The following CC2D2A variants were observed in gnomAD, a reference collection of about 807,000 sequenced individuals.
The protein encoded by CC2D2A is coiled-coil and C2 domain containing 2A.
CC2D2A carries 155 observed loss-of-function variants against 212.9 expected under a neutral mutation model. The observed-to-expected ratio is 0.73, with a 90% CI of 0.64 to 0.83. The LOEUF (loss-of-function observed/expected upper bound fraction) is 0.83. Among genes scored for constraint, CC2D2A ranks in the 40% least tolerant of loss-of-function variants. CC2D2A has a pLI of 0.00. For missense variants in CC2D2A, 1,856 were observed against 1,956.2 expected (o/e 0.95, Z 0.97); for synonymous variants, 667 against 686.5 (o/e 0.97, Z 0.44).
chr4:15,500,019 G>A (rs1046991169), intron 4 of CC2D2A, among the ~76,000 whole-genome samples: 2 of 151,308 alleles, frequency 1.3e-5, no homozygotes, highest in African/African-American at 2.4e-5. Context: ...ACGCATAACT[G>A]AGTAATTGTG....
At chr4:15,541,148 C>A in intron 17 of CC2D2A, 134 bp downstream of exon 17, 1 of 617,742 alleles carries the variant, frequency 1.6e-6, no homozygotes, top group Non-Finnish European at 2.6e-6. Context: ...CACATCTCTA[C>A]TGTAAATACA....
Position 15,567,762 on chromosome 4 carries a change from A to G in CC2D2A, c.3374A>G (p.Asn1125Ser), listed in dbSNP as rs746358327. The G allele has an allele frequency of 1.1e-5, 18 of 1,596,382 alleles. No homozygotes were observed. The South Asian group carries it at 2.0e-4, about 17-fold the overall frequency. ...GCTGAAGGACCAAACCCTAGCTGGA[A>G]TGAAGAACTAGAACTTCCATTTAGG... ...TTAEGPNPSW[N>S]EELELPFRAP... The change falls in exon 26 of 37, where the codon AAT becomes AGT. Residue 1125 changes from asparagine to serine, a missense_variant. This residue lies in a region of CC2D2A where 1,512 missense variants were observed against 1,579.3 expected (regional missense o/e 0.96). Coordinates refer to ENST00000424120, the MANE Select transcript of CC2D2A (RefSeq NM_001378615.1).
intron 13 of CC2D2A, among the ~76,000 whole-genome samples, chr4:15,530,704 T>G (rs1487740652): frequency 6.6e-6 from 1 of 152,090 alleles, no homozygotes; most frequent in South Asian, 2.1e-4. Flanking sequence ...TGCTGACTTT[T>G]CACTAGGTGG....
Position 15,490,384 on chromosome 4 carries a change from A to C in CC2D2A, c.247+9557A>C, listed in dbSNP as rs569445568. 1.8e-3 allele frequency among the ~76,000 whole-genome samples: 267 copies of C among 152,338 alleles called. 2 individuals carry two copies. The highest frequency in any genetic ancestry group is 2.5e-3 in the Non-Finnish European group (169 of 68,028). ...TTTCTGAACATTGCATGTAAATGGA[A>C]TCATACAATATGTAGTGATTTGCAC... is the stretch of plus-strand genomic sequence containing the variant. On this transcript the variant is annotated intron_variant, in intron 4 of 36. Coordinates refer to ENST00000424120, the MANE Select transcript of CC2D2A (RefSeq NM_001378615.1).
chr4:15,510,212 C>T lies in CC2D2A; in HGVS notation c.512C>T (p.Ser171Phe). 6.2e-7 allele frequency: 1 copy of T among 1,611,856 alleles called. No individual in the cohort carries two copies. The highest frequency in any genetic ancestry group is 1.1e-5 in the South Asian group (1 of 90,326). ...QSYSRVKFHDSARKIKPKPQV... is the reference protein window; with the variant it reads ...QSYSRVKFHDFARKIKPKPQV... Reference sequence around the variant, plus strand: ...TACTCAAGAGTCAAGTTCCATGATTCTGCACGAAAAATCAAGCCTAAACCC... The same window carrying T: ...TACTCAAGAGTCAAGTTCCATGATTTTGCACGAAAAATCAAGCCTAAACCC... Residue 171 changes from serine to phenylalanine, a missense_variant, in exon 7 of 37, where the codon TCT becomes TTT. This residue lies in a region of CC2D2A where 1,512 missense variants were observed against 1,579.3 expected (regional missense o/e 0.96). Transcript: ENST00000424120.
rs1394149254 is a variant in CC2D2A at position 15,480,838 on chromosome 4, C to G, written c.247+11C>G. The G allele has an allele frequency of 1.9e-6, 3 of 1,608,984 alleles. No homozygotes were observed. The South Asian group carries it at 3.3e-5, about 18-fold the overall frequency. ...GGAGAGGCCCACGGAGTAAGTGCCC[C>G]TCTTCCATTCAGCTACTGCTTGTTA... On this transcript the variant is annotated intron_variant, in intron 4 of 36. Transcript: ENST00000424120.
chr4:15,514,839 G>A lies in CC2D2A; in HGVS notation c.850G>A (p.Glu284Lys). The change falls in exon 9 of 37, where the codon GAA becomes AAA. Residue 284 changes from glutamate to lysine, a missense_variant. Around this residue, in one of 5 missense-constraint regions of CC2D2A, gnomAD observed 1,512 missense variants for 1,579.3 expected, o/e 0.96. Transcript: ENST00000424120. ...SIHDRLQMER[E>K]MLFIPSRQTV... Reference sequence around the variant, plus strand: ...CCATGATCGGCTGCAGATGGAAAGAGAAATGCTCTTCATACCCAGTAGGCA... The same window carrying A: ...CCATGATCGGCTGCAGATGGAAAGAAAAATGCTCTTCATACCCAGTAGGCA... The A allele has an allele frequency of 1.2e-6, 2 of 1,613,928 alleles. No homozygotes were observed. The highest frequency in any genetic ancestry group is 1.7e-6 in the Non-Finnish European group (2 of 1,179,832).
At chr4:15,479,394 G>A in intron 3 of CC2D2A, 2 of 1,254,620 alleles carry the variant, frequency 1.6e-6, no homozygotes, top group South Asian at 1.3e-5. Flanking sequence ...GTGGATGGGA[G>A]CTCTGCTTGG....
chr4:15,491,942 A>C (rs1172315342), intron 4 of CC2D2A, among the ~76,000 whole-genome samples: 1 of 152,220 alleles, frequency 6.6e-6, no homozygotes, highest in Non-Finnish European at 1.5e-5. Flanking sequence ...GGTTGTATCT[A>C]AAAATTAATT....
intron 8 of CC2D2A, among the ~76,000 whole-genome samples, chr4:15,512,654 G>C (rs1343099644): frequency 6.6e-6 from 1 of 152,146 alleles, no homozygotes; most frequent in Non-Finnish European, 1.5e-5. Flanking sequence ...CCACTGAACT[G>C]TTCACCTAAA....
intron 13 of CC2D2A, among the ~76,000 whole-genome samples, chr4:15,532,671 T>C (rs1186486492): frequency 6.6e-6 from 1 of 152,228 alleles, no homozygotes; most frequent in East Asian, 1.9e-4. Context: ...AAGTAAGGTA[T>C]TAAATAAAGA....
Position 15,576,234 on chromosome 4 carries a change from CT to C in CC2D2A, c.3771+1910del, listed in dbSNP as rs1230740927. 1.4e-4 allele frequency: 27 copies of C among 189,212 alleles called. No homozygotes were observed. The Admixed American group carries it at 1.8e-3, about 12-fold the overall frequency. 11.7% of individuals were successfully genotyped at this position (189,212 alleles called of 1,614,324 possible). On this transcript the variant is annotated intron_variant, in intron 29 of 36. Coordinates refer to ENST00000424120, the MANE Select transcript of CC2D2A (RefSeq NM_001378615.1). Reference sequence around the variant, plus strand: ...GGAAGGCATGTTGATTGACAGAACCCTTATGTCCAAAAGAGGCAGTGGCAGA... The same window carrying C: ...GGAAGGCATGTTGATTGACAGAACCCTATGTCCAAAAGAGGCAGTGGCAGA...
At chr4:15,529,241 G>A (rs1271163614) in intron 13 of CC2D2A, among the ~76,000 whole-genome samples, 1 of 152,108 alleles carries the variant, frequency 6.6e-6, no homozygotes, top group Non-Finnish European at 1.5e-5. Flanking sequence ...AATTAGCTGA[G>A]TATAGTAGTA....
Position 15,480,724 on chromosome 4 carries a change from G to T in CC2D2A, c.144G>T (p.Lys48Asn). Residue 48 changes from lysine (K) to asparagine (N), a missense_variant, in exon 4 of 37, where the codon AAG becomes AAT. Lys to Asn is a moderately conservative substitution (Grantham distance 94, BLOSUM62 0). Around this residue, in one of 5 missense-constraint regions of CC2D2A, gnomAD observed 1,512 missense variants for 1,579.3 expected, o/e 0.96. Coordinates refer to ENST00000424120, the MANE Select transcript of CC2D2A (RefSeq NM_001378615.1). ...RKKQPPTAVP[K>N]EMVSEKSHLG... ...TCCAGCCACCAACTGCTGTCCCCAA[G>T]GAAATGGTGTCCGAAAAATCCCACC... 6.2e-7 allele frequency: 1 copy of T among 1,611,466 alleles called. No individual in the cohort carries two copies. Among genetic ancestry groups the T allele is most frequent in the African/African-American group, 1.3e-5 (1 of 74,942 alleles).
chr4:15,545,247 T>C (rs1718651221), intron 17 of CC2D2A, among the ~76,000 whole-genome samples: 1 of 152,228 alleles, frequency 6.6e-6, no homozygotes, highest in East Asian at 1.9e-4. Context: ...TTAATGCCAA[T>C]GCTATCAAAT....
intron 2 of CC2D2A, among the ~76,000 whole-genome samples, chr4:15,478,363 C>G (rs969465311): frequency 6.6e-6 from 1 of 152,174 alleles, no homozygotes; most frequent in Non-Finnish European, 1.5e-5. Context: ...TGTTAGTCGC[C>G]TTTCTTAGAT....
At chr4:15,493,796 A>C (rs543045338) in intron 4 of CC2D2A, among the ~76,000 whole-genome samples, 2 of 152,316 alleles carry the variant, frequency 1.3e-5, no homozygotes, top group African/African-American at 4.8e-5. Context: ...CAGATGCTCA[A>C]AGAATATTTG....
chr4:15,599,778 T>C (rs1721499350), intron 36 of CC2D2A, 72 bp downstream of exon 36: 1 of 1,269,550 alleles, frequency 7.9e-7, no homozygotes, highest in Non-Finnish European at 1.1e-6. Context: ...CAATAATAGG[T>C]TTCTGGAATC....
chr4:15,558,811 ATGGTAATG>A (rs1354795870), intron 21 of CC2D2A, among the ~76,000 whole-genome samples: 1 of 152,212 alleles, frequency 6.6e-6, no homozygotes, highest in Admixed American at 6.5e-5. Context: ...TTATATGATT[ATGGTAATG>A]TGTTAACTGA....
Sources: allele counts gnomAD v4.1 joint callset (sites outside exome capture counted in the v4.1 genomes callset), GRCh38; gene constraint gnomAD v4.1.1; regional missense constraint gnomAD v4.1.1; transcripts MANE v1.5; gene names NCBI Gene and HGNC (gene_info 2026-07-23, HGNC 2026-07-21).